The following ARHGEF3 variants were observed in gnomAD, a reference collection of about 807,000 sequenced individuals.
ARHGEF3 encodes the protein 59.8 kDA protein.
In ARHGEF3, 28 loss-of-function variants were observed where a neutral mutation model predicts 63.2. The ratio of observed to expected loss-of-function variants is 0.44; its 90% confidence interval spans 0.33 to 0.61. The LOEUF (loss-of-function observed/expected upper bound fraction) is 0.61. ARHGEF3 is among the 20% of genes least tolerant of loss of function. The pLI is 0.03. For missense variants in ARHGEF3, 533 were observed against 659.3 expected (o/e 0.81, Z 2.10); for synonymous variants, 266 against 254.2 (o/e 1.05, Z -0.44).
rs534966379 is a variant in ARHGEF3, at chr3:56,852,301, T to G, written c.192+29991A>C. Among the ~76,000 whole-genome samples, 11 of 152,328 alleles carry G rather than the reference T, an allele frequency of 7.2e-5. No individual in the cohort carries two copies. In the South Asian group the frequency reaches 2.3e-3, roughly 32 times the overall value. ...CTGCATGTTCGAACGTATTTTCATT[T>G]TCCTTCGTTTTCTTGATTTCTTAGA... is the stretch of plus-strand genomic sequence containing the variant. On this transcript the variant is annotated intron_variant, in intron 4 of 12. Coordinates refer to the ARHGEF3 transcript ENST00000338458.
chr3:57,029,404 G>A (rs1019274219), intron 2 of ARHGEF3, among the ~76,000 whole-genome samples: 3 of 151,514 alleles, frequency 2.0e-5, no homozygotes, highest in African/African-American at 7.3e-5. Flanking sequence ...ACTCCAGCTT[G>A]GACAACAAGA....
Position 56,732,699 on chromosome 3 carries a change from G to T in ARHGEF3, c.1042-275C>A, listed in dbSNP as rs535094677. ...CTACAGCCAGGGTTGCCAACTTTGG[G>T]GGCCCTATTCACATTGCAATTCACA... On this transcript the variant is annotated intron_variant, in intron 8 of 9. Transcript: ENST00000296315. Among the ~76,000 whole-genome samples the T allele has an allele frequency of 2.6e-5, 4 of 152,224 alleles. No individual in the cohort carries two copies. In the East Asian group the frequency reaches 7.7e-4, roughly 29 times the overall value.
rs201453773 is a variant in ARHGEF3, at chr3:56,867,478, TA to T, written c.192+14813del. Among the ~76,000 whole-genome samples, 592 of 152,008 alleles carry T rather than the reference TA, an allele frequency of 3.9e-3. 2 individuals are homozygous for T. Among genetic ancestry groups the T allele is most frequent in the African/African-American group, 0.013 (548 of 41,406 alleles). Reference sequence around the variant, plus strand: ...AATGCTATTTATTTATTTATTTATTTATTTATTTTTTTGAGACAAGGTCTTG... The same window carrying T: ...AATGCTATTTATTTATTTATTTATTTTTTATTTTTTTGAGACAAGGTCTTG... On this transcript the variant is annotated intron_variant, in intron 4 of 12. Transcript: ENST00000338458.
intron 1 of ARHGEF3, among the ~76,000 whole-genome samples, chr3:57,043,867 G>A (rs534505686): frequency 6.6e-5 from 10 of 152,364 alleles, no homozygotes; most frequent in Middle Eastern, 3.4e-3. Flanking sequence ...TGTACTCAAT[G>A]GTTAGTGTTA....
intron 2 of ARHGEF3, among the ~76,000 whole-genome samples, chr3:57,001,865 T>A (rs1702202115): frequency 6.6e-6 from 1 of 151,678 alleles, no homozygotes; most frequent in South Asian, 2.1e-4. Context: ...TCACAAAAGA[T>A]GAGTCAGTTT....
chr3:56,864,279 A>G (rs560890772), intron 4 of ARHGEF3, among the ~76,000 whole-genome samples: 43 of 152,266 alleles, frequency 2.8e-4, no homozygotes, highest in African/African-American at 9.1e-4. Flanking sequence ...CTCACCATCT[A>G]CCACCTACCA....
intron 3 of ARHGEF3, among the ~76,000 whole-genome samples, chr3:56,951,571 G>A (rs1031704997): frequency 1.3e-5 from 2 of 151,900 alleles, no homozygotes; most frequent in African/African-American, 4.9e-5. Context: ...GTCTGGAACT[G>A]AACCAGCAAT....
At chr3:56,777,052 A>G (rs2036319022) in intron 1 of ARHGEF3, among the ~76,000 whole-genome samples, 1 of 152,244 alleles carries the variant, frequency 6.6e-6, no homozygotes, top group East Asian at 1.9e-4. Flanking sequence ...GGCTAGAACC[A>G]CCTGTATATT....
chr3:56,808,881 C>T (rs2037963411), intron 4 of ARHGEF3, among the ~76,000 whole-genome samples: 1 of 152,148 alleles, frequency 6.6e-6, no homozygotes, highest in Non-Finnish European at 1.5e-5. Flanking sequence ...TTATGATACA[C>T]AGAACAGCTT....
intron 3 of ARHGEF3, among the ~76,000 whole-genome samples, chr3:56,897,017 C>A (rs2041325566): frequency 6.6e-6 from 1 of 152,200 alleles, no homozygotes; most frequent in South Asian, 2.1e-4. Context: ...AATGTTAACA[C>A]ACTAGTTTTA....
At chr3:56,952,491 C>T (rs1476112100) in intron 3 of ARHGEF3, among the ~76,000 whole-genome samples, 2 of 152,178 alleles carry the variant, frequency 1.3e-5, no homozygotes, top group African/African-American at 4.8e-5. Context: ...GAACTCCAAG[C>T]TAGTGAACAA....
intron 2 of ARHGEF3, among the ~76,000 whole-genome samples, chr3:56,973,815 C>T (rs1701020581): frequency 6.6e-6 from 1 of 152,126 alleles, no homozygotes; most frequent in Non-Finnish European, 1.5e-5. Flanking sequence ...AAGCATTATT[C>T]ATATAAAATA....
At chr3:56,829,223 G>A (rs2038843142) in intron 4 of ARHGEF3, among the ~76,000 whole-genome samples, 1 of 152,170 alleles carries the variant, frequency 6.6e-6, no homozygotes, top group African/African-American at 2.4e-5. Context: ...ACCACACCCA[G>A]CCTGGGACAG....
At chr3:56,880,365 C>T (rs1006687423) in intron 4 of ARHGEF3, among the ~76,000 whole-genome samples, 1 of 152,224 alleles carries the variant, frequency 6.6e-6, no homozygotes, top group Non-Finnish European at 1.5e-5. Flanking sequence ...AAATTATCCA[C>T]AGTCTTGTGA....
chr3:56,899,438 C>A (rs901464971), intron 3 of ARHGEF3, among the ~76,000 whole-genome samples: 1 of 152,190 alleles, frequency 6.6e-6, no homozygotes, highest in Non-Finnish European at 1.5e-5. Context: ...GTTTACCATG[C>A]CCAATCTTTC....
At chr3:56,845,467 C>T (rs2039457781) in intron 4 of ARHGEF3, among the ~76,000 whole-genome samples, 2 of 152,220 alleles carry the variant, frequency 1.3e-5, no homozygotes, top group Non-Finnish European at 1.5e-5. Context: ...AATTGAGCCA[C>T]ATGGTCTATT....
At chr3:56,818,316 G>A (rs923935310) in intron 4 of ARHGEF3, among the ~76,000 whole-genome samples, 3 of 152,216 alleles carry the variant, frequency 2.0e-5, no homozygotes, top group Admixed American at 1.3e-4. Context: ...AGGGAGTCAT[G>A]TGGGAGGTGG....
chr3:56,918,731 G>C (rs1214920114), intron 3 of ARHGEF3, among the ~76,000 whole-genome samples: 1 of 152,172 alleles, frequency 6.6e-6, no homozygotes, highest in African/African-American at 2.4e-5. Flanking sequence ...CAAGGTCCAC[G>C]TTCATTTTGA....
intron 8 of ARHGEF3, among the ~76,000 whole-genome samples, chr3:56,735,538 T>C (rs755816443): frequency 6.6e-6 from 1 of 152,158 alleles, no homozygotes; most frequent in African/African-American, 2.4e-5. Flanking sequence ...CTTAGGCACA[T>C]CTAACCAAAA....
Sources: gnomAD v4.1 joint callset for allele counts (sites outside exome capture counted in the v4.1 genomes callset) on GRCh38, gnomAD v4.1.1 for gene constraint, MANE v1.5 for transcripts, NCBI Gene and HGNC (gene_info 2026-07-23, HGNC 2026-07-21) for gene names.